Variants in RAD18 observed in about 807,000 individuals in gnomAD.
RAD18 encodes the protein RAD18 E3 ubiquitin protein ligase, also known as E3 ubiquitin-protein ligase RAD18.
Under a neutral mutation model 60.4 loss-of-function variants are expected in RAD18, and 47 were observed. That is an observed-to-expected ratio of 0.78 (90% CI 0.62 to 0.99). The LOEUF (loss-of-function observed/expected upper bound fraction) is 0.99. Among genes scored for constraint, RAD18 ranks in the 50% least tolerant of loss-of-function variants. The probability of loss-of-function intolerance (pLI) is 0.00; values close to 1 mark genes in which losing one functional copy is unlikely to be tolerated. For missense variants in RAD18, 640 were observed against 593.3 expected, an observed-to-expected ratio of 1.08 and a Z score of -0.82; for synonymous variants, 225 against 195.5, an observed-to-expected ratio of 1.15 and a Z score of -1.26.
chr3:8,898,733 G>C (rs2035219), intron 11 of RAD18, among the ~76,000 whole-genome samples, 161 bp downstream of exon 11: 21,255 of 152,056 alleles, frequency 0.14, 1,815 homozygotes, highest in East Asian at 0.23. Flanking sequence ...ATCCTGCCTT[G>C]TTATCACTGT....
rs1413161699 is a variant in RAD18, at chr3:8,881,085, A to G, written c.*272T>C. 6.2e-6 allele frequency: 2 copies of G among 320,900 alleles called. No homozygotes were observed. The highest frequency in any genetic ancestry group is 1.1e-5 in the Non-Finnish European group (2 of 174,588). The allele number at this position is 320,900 out of a possible 1,614,324, so 19.9% of individuals were successfully genotyped here. ...AACCAAATCCCTGTGCCAAAGTGCC[A>G]AAGAGTCTACCTCCTCTGCAAAGCT... On this transcript the variant is annotated 3_prime_UTR_variant, in exon 13 of 13. Transcript: ENST00000264926.
chr3:8,895,186 G>T (rs1275188626), intron 11 of RAD18, among the ~76,000 whole-genome samples: 1 of 150,762 alleles, frequency 6.6e-6, no homozygotes, highest in Non-Finnish European at 1.5e-5. Context: ...GTATTCTAAA[G>T]TTCATAAATA....
chr3:8,897,411 A>G lies in RAD18; in HGVS notation c.1322+1483T>C, dbSNP rs981207078. 2.6e-5 allele frequency among the ~76,000 whole-genome samples: 4 copies of G among 152,222 alleles called. No homozygotes were observed. The South Asian group carries it at 6.2e-4, about 24-fold the overall frequency. ...TTCAATTTGATTACAAGCGTCCTTGATAACAGAATCTGAGGGGTTGAGTAT... is the reference window on the plus strand; with the variant it reads ...TTCAATTTGATTACAAGCGTCCTTGGTAACAGAATCTGAGGGGTTGAGTAT... On this transcript the variant is annotated intron_variant, in intron 11 of 12. Transcript: ENST00000264926.
intron 11 of RAD18, among the ~76,000 whole-genome samples, chr3:8,896,529 A>G (rs1939786964): frequency 6.6e-6 from 1 of 152,240 alleles, no homozygotes; most frequent in African/African-American, 2.4e-5. Context: ...CGACTGACTC[A>G]ATCATTGCCT....
intron 12 of RAD18, among the ~76,000 whole-genome samples, chr3:8,883,073 G>T (rs1319202727): frequency 6.6e-6 from 1 of 152,188 alleles, no homozygotes; most frequent in African/African-American, 2.4e-5. Flanking sequence ...ATAAAAACCA[G>T]ATTAAGATAC....
intron 2 of RAD18, among the ~76,000 whole-genome samples, chr3:8,953,975 T>C (rs974741912): frequency 1.6e-4 from 24 of 152,246 alleles, no homozygotes; most frequent in African/African-American, 5.3e-4. Context: ...TAAGATTCTA[T>C]TAGGCAAATA....
chr3:8,888,132 C>T (rs1939610259), intron 12 of RAD18, among the ~76,000 whole-genome samples: 1 of 152,226 alleles, frequency 6.6e-6, no homozygotes, highest in Admixed American at 6.5e-5. Context: ...GCCTAAAGCA[C>T]TTCCCTTGTT....
chr3:8,906,025 A>T (rs1473755931), intron 9 of RAD18, among the ~76,000 whole-genome samples: 1 of 150,302 alleles, frequency 6.7e-6, no homozygotes, highest in Non-Finnish European at 1.5e-5. Context: ...GGATTCCATC[A>T]TGAAGCTGTG....
chr3:8,922,150 C>T (rs34573625), intron 7 of RAD18, among the ~76,000 whole-genome samples: 44 of 152,220 alleles, frequency 2.9e-4, no homozygotes, highest in Non-Finnish European at 1.3e-4. Context: ...ATCGCCTCAC[C>T]GGGGAAGCAC....
chr3:8,958,236 G>T (rs1445666157), intron 2 of RAD18, among the ~76,000 whole-genome samples: 1 of 152,196 alleles, frequency 6.6e-6, no homozygotes, highest in Non-Finnish European at 1.5e-5. Flanking sequence ...TTAGGCCTAA[G>T]TTGACTGTTT....
intron 7 of RAD18, among the ~76,000 whole-genome samples, chr3:8,914,954 C>G (rs187781747): frequency 2.6e-5 from 4 of 151,984 alleles, no homozygotes; most frequent in African/African-American, 4.8e-5. Flanking sequence ...CTGGCTAACA[C>G]GATGAAACCC....
At chr3:8,889,357 A>G (rs537464418) in intron 12 of RAD18, among the ~76,000 whole-genome samples, 1 of 152,322 alleles carries the variant, frequency 6.6e-6, no homozygotes, top group East Asian at 1.9e-4. Flanking sequence ...ATAATAGAAC[A>G]TCATAATGTT....
chr3:8,956,750 T>TTAAAAAAAAAAAAAA (rs763112218), intron 2 of RAD18, among the ~76,000 whole-genome samples: 9 of 137,772 alleles, frequency 6.5e-5, no homozygotes, highest in African/African-American at 1.9e-4. Flanking sequence ...ATTCATGATT[T>TTAAAAAAAAAAAAAA]AAAAAAAAAA....
At chr3:8,944,064 C>A (rs1384184898) in intron 4 of RAD18, among the ~76,000 whole-genome samples, 1 of 151,914 alleles carries the variant, frequency 6.6e-6, no homozygotes, top group Non-Finnish European at 1.5e-5. Flanking sequence ...TAAGACTGAA[C>A]AAGAAATAAA....
chr3:8,913,118 T>C (rs186157831), intron 8 of RAD18, among the ~76,000 whole-genome samples: 2 of 152,296 alleles, frequency 1.3e-5, no homozygotes, highest in Admixed American at 6.5e-5. Flanking sequence ...TTCACTGGTA[T>C]CCTGTCTTCA....
At chr3:8,897,775 A>C (rs916846391) in intron 11 of RAD18, among the ~76,000 whole-genome samples, 1 of 152,180 alleles carries the variant, frequency 6.6e-6, no homozygotes, top group Non-Finnish European at 1.5e-5. Context: ...CAGAATAATA[A>C]AGATAAGTGG....
intron 11 of RAD18, among the ~76,000 whole-genome samples, chr3:8,894,546 A>G (rs1939751935): frequency 6.6e-6 from 1 of 152,146 alleles, no homozygotes; most frequent in African/African-American, 2.4e-5. Flanking sequence ...TCCATGTGCC[A>G]GGCACCTTTC....
chr3:8,881,652 A>G (rs1939464514), intron 12 of RAD18, among the ~76,000 whole-genome samples, 193 bp from the exon 13 acceptor site: 1 of 152,240 alleles, frequency 6.6e-6, no homozygotes, highest in Non-Finnish European at 1.5e-5. Flanking sequence ...GATCACAGAT[A>G]GTAAATGAGC....
At chr3:8,882,287 A>AT (rs1939478730) in intron 12 of RAD18, among the ~76,000 whole-genome samples, 1 of 152,198 alleles carries the variant, frequency 6.6e-6, no homozygotes, top group Non-Finnish European at 1.5e-5. Context: ...AGTCTGCCTC[A>AT]AGGGGAGGCA....
Sources: allele counts gnomAD v4.1 joint callset (sites outside exome capture counted in the v4.1 genomes callset), GRCh38; gene constraint gnomAD v4.1.1; transcripts MANE v1.5; gene names NCBI Gene and HGNC (gene_info 2026-07-23, HGNC 2026-07-21).